RAPGEF6: variants seen among roughly 807,000 people sequenced by gnomAD.
RAPGEF6 encodes the protein Rap guanine nucleotide exchange factor 6, also known as PDZ domain containing guanine nucleotide exchange factor (GEF) 2.
RAPGEF6 carries 56 observed loss-of-function variants against 171.4 expected under a neutral mutation model. The observed-to-expected ratio is 0.33, with a 90% CI of 0.26 to 0.41. The LOEUF (loss-of-function observed/expected upper bound fraction) is 0.41. Ranked by LOEUF, RAPGEF6 falls within the 10% of genes least tolerant of loss-of-function variation. The pLI is 1.00. For synonymous variants in RAPGEF6, 692 were observed against 650.1 expected, an observed-to-expected ratio of 1.06 and a Z score of -0.98; for missense variants, 1,674 against 1,921.4, an observed-to-expected ratio of 0.87 and a Z score of 2.41.
intron 1 of RAPGEF6, among the ~76,000 whole-genome samples, chr5:131,634,214 C>T (rs1766490077): frequency 6.6e-6 from 1 of 151,268 alleles, no homozygotes; most frequent in Non-Finnish European, 1.5e-5. Flanking sequence ...ATATGTCCCA[C>T]TTGTTATAGA....
chr5:131,547,952 C>G (rs1290045826), intron 6 of RAPGEF6, 95 bp downstream of exon 6: 3 of 1,354,844 alleles, frequency 2.2e-6, no homozygotes, highest in Non-Finnish European at 3.1e-6. Context: ...ACATACAGAG[C>G]CCAGCATGTT....
chr5:131,618,130 G>T (rs1429419347), intron 1 of RAPGEF6, among the ~76,000 whole-genome samples: 1 of 152,052 alleles, frequency 6.6e-6, no homozygotes, highest in Non-Finnish European at 1.5e-5. Flanking sequence ...AAGACTAATG[G>T]GGTCACATCA....
intron 7 of RAPGEF6, among the ~76,000 whole-genome samples, chr5:131,513,067 C>A (rs942600603): frequency 5.9e-5 from 9 of 152,132 alleles, no homozygotes; most frequent in African/African-American, 2.2e-4. Flanking sequence ...CTAGTACGCT[C>A]TGAGTTGTTT....
intron 5 of RAPGEF6, 22 bp from the exon 6 acceptor site, chr5:131,548,212 C>T (rs754690602): frequency 1.9e-6 from 3 of 1,609,624 alleles, no homozygotes; most frequent in Non-Finnish European, 2.5e-6. Flanking sequence ...GTTCATATTC[C>T]TGATGAAATA....
At chr5:131,529,140 T>C (rs1226149961) in intron 6 of RAPGEF6, among the ~76,000 whole-genome samples, 1 of 147,348 alleles carries the variant, frequency 6.8e-6, no homozygotes, top group Admixed American at 6.7e-5. Flanking sequence ...GATTTCTCTC[T>C]AGAGAGACCA....
intron 6 of RAPGEF6, among the ~76,000 whole-genome samples, chr5:131,530,096 CG>C (rs1346452735): frequency 2.0e-5 from 3 of 148,414 alleles, no homozygotes; most frequent in Admixed American, 6.7e-5. Flanking sequence ...TTAATAGACA[CG>C]GGGTTTCACC....
At chr5:131,495,715 A>G in intron 12 of RAPGEF6, 55 bp from the exon 13 acceptor site, 1 of 1,561,342 alleles carries the variant, frequency 6.4e-7, no homozygotes, top group Non-Finnish European at 8.7e-7. Context: ...CCTTCTGCAC[A>G]AGTGGATTCC....
intron 5 of RAPGEF6, among the ~76,000 whole-genome samples, chr5:131,550,617 T>C (rs1272803871): frequency 6.6e-6 from 1 of 152,238 alleles, no homozygotes; most frequent in Admixed American, 6.5e-5. Context: ...CAATTTGTGT[T>C]ATCATACCCA....
chr5:131,575,409 C>T (rs996735914), intron 4 of RAPGEF6, among the ~76,000 whole-genome samples: 3 of 152,170 alleles, frequency 2.0e-5, no homozygotes, highest in East Asian at 1.9e-4. Flanking sequence ...AAAGAAGTAT[C>T]GCGTATCCCC....
intron 4 of RAPGEF6, among the ~76,000 whole-genome samples, chr5:131,586,947 C>T (rs1353114926): frequency 1.2e-4 from 19 of 152,154 alleles, no homozygotes; most frequent in Non-Finnish European, 2.8e-4. Context: ...CTGGGAGAAG[C>T]ACACACAGGG....
intron 15 of RAPGEF6, among the ~76,000 whole-genome samples, chr5:131,480,809 T>C (rs573145218): frequency 4.9e-4 from 75 of 151,786 alleles, no homozygotes; most frequent in African/African-American, 1.8e-3. Flanking sequence ...TGGTAATATA[T>C]ATCGATTCCT....
intron 19 of RAPGEF6, among the ~76,000 whole-genome samples, chr5:131,458,182 G>A (rs998216438): frequency 6.6e-5 from 10 of 152,152 alleles, no homozygotes; most frequent in African/African-American, 1.2e-4. Context: ...CAAATTTCAC[G>A]TGGAATTGTA....
intron 1 of RAPGEF6, among the ~76,000 whole-genome samples, chr5:131,634,390 A>G (rs1168505599): frequency 6.6e-6 from 1 of 152,210 alleles, no homozygotes; most frequent in African/African-American, 2.4e-5. Flanking sequence ...CAAATTTTGG[A>G]TCCAAGTACA....
Position 131,555,916 on chromosome 5 carries a change from C to T in RAPGEF6, c.351+6062G>A, listed in dbSNP as rs114782970. 1.6e-3 allele frequency among the ~76,000 whole-genome samples: 247 copies of T among 152,228 alleles called. 1 individual carries two copies. The highest frequency in any genetic ancestry group is 5.7e-3 in the African/African-American group (237 of 41,528). On this transcript the variant is annotated intron_variant, in intron 5 of 27. Transcript: ENST00000509018. ...TGCACTTACACATAGACAGTATAGC[C>T]TACTACTTATCTAGGCTATATAGTA...
At position 131,505,479 on chromosome 5, in the gene RAPGEF6, C is replaced by T. The variant is rs1049609178; in HGVS notation, c.986G>A (p.Ser329Asn). The T allele has an allele frequency of 2.5e-6, 4 of 1,613,598 alleles. No homozygotes were observed. In the African/African-American group the frequency reaches 5.3e-5, roughly 22 times the overall value. Reference sequence around the variant, plus strand: ...ATTTTCAACTTTTCCATCTGGATGACTGATTTCCACAGTGCCGTTTAAAAT... The same window carrying T: ...ATTTTCAACTTTTCCATCTGGATGATTGATTTCCACAGTGCCGTTTAAAAT... ...YVILNGTVEISHPDGKVENLF... is the reference protein window; with the variant it reads ...YVILNGTVEINHPDGKVENLF... The change falls in exon 10 of 28, where the codon AGT (serine) becomes AAT (asparagine). Residue 329 changes from serine to asparagine, a missense_variant. By Grantham distance (46) the Ser-to-Asn change is conservative. This residue lies in a region of RAPGEF6 where 1,116 missense variants were observed against 1,321.5 expected (regional missense o/e 0.84). Coordinates refer to ENST00000509018, the MANE Select transcript of RAPGEF6 (RefSeq NM_016340.6).
At chr5:131,508,419 T>C (rs946707990) in intron 8 of RAPGEF6, among the ~76,000 whole-genome samples, 11 of 152,178 alleles carry the variant, frequency 7.2e-5, no homozygotes, top group Admixed American at 3.9e-4. Context: ...CCTGGGCATA[T>C]TGGAAGATAA....
At chr5:131,529,901 CTTTTTTTTTT>C (rs1162181624) in intron 6 of RAPGEF6, among the ~76,000 whole-genome samples, 15 of 119,774 alleles carry the variant, frequency 1.3e-4, no homozygotes, top group Non-Finnish European at 2.4e-4. Context: ...TTGTCTCCCT[CTTTTTTTTTT>C]TTTTTTTTTT....
Position 131,427,051 on chromosome 5 carries a change from C to T in RAPGEF6, c.*215G>A. On this transcript the variant is annotated 3_prime_UTR_variant, in exon 28 of 28. Transcript: ENST00000509018. ...TGCAAAGTGGAGACTGGTATCCAGG[C>T]ATAGCATCCATTGCTCAGGAAACTA... The T allele has an allele frequency of 1.7e-6, 1 of 584,526 alleles. No individual in the cohort carries two copies. The highest frequency in any genetic ancestry group is 2.1e-5 in the South Asian group (1 of 46,996). 36.2% of individuals were successfully genotyped at this position (584,526 alleles called of 1,614,324 possible).
intron 7 of RAPGEF6, among the ~76,000 whole-genome samples, chr5:131,513,987 T>C (rs565519577): frequency 5.9e-5 from 9 of 152,084 alleles, no homozygotes; most frequent in Non-Finnish European, 8.8e-5. Flanking sequence ...GAGATCTTGC[T>C]GCTGCACTCC....
Sources: gnomAD v4.1 joint callset for allele counts (sites outside exome capture counted in the v4.1 genomes callset) on GRCh38, gnomAD v4.1.1 for gene constraint, gnomAD v4.1.1 regional missense constraint, MANE v1.5 for transcripts, NCBI Gene and HGNC (gene_info 2026-07-23, HGNC 2026-07-21) for gene names.